The following STAU2 variants were observed in gnomAD, a reference collection of about 807,000 sequenced individuals.
STAU2 encodes the protein staufen double-stranded RNA binding protein 2.
Under a neutral mutation model 65.9 loss-of-function variants are expected in STAU2, and 20 were observed. That is an observed-to-expected ratio of 0.30 (90% CI 0.21 to 0.44). STAU2 has a LOEUF of 0.44. STAU2 is among the 20% of genes least tolerant of loss of function. The pLI is 1.00. For missense variants in STAU2, 558 were observed against 683.9 expected, an observed-to-expected ratio of 0.82 and a Z score of 2.05; for synonymous variants, 232 against 233.9, an observed-to-expected ratio of 0.99 and a Z score of 0.07.
intron 5 of STAU2, among the ~76,000 whole-genome samples, chr8:73,685,965 T>C (rs1448765382): frequency 3.3e-5 from 5 of 152,152 alleles, no homozygotes; most frequent in African/African-American, 9.7e-5. Context: ...CATAGAATAC[T>C]ACTCAGCCAT....
intron 6 of STAU2, among the ~76,000 whole-genome samples, chr8:73,621,910 C>A (rs904305469): frequency 6.6e-6 from 1 of 151,864 alleles, no homozygotes; most frequent in East Asian, 1.9e-4. Context: ...TTCAAGGAGA[C>A]CACACACAAT....
At chr8:73,487,202 T>C (rs566415063) in intron 13 of STAU2, among the ~76,000 whole-genome samples, 1 of 152,138 alleles carries the variant, frequency 6.6e-6, no homozygotes, top group South Asian at 2.1e-4. Context: ...GTGGGTCAGT[T>C]AGGAAAATGA....
At chr8:73,603,546 C>T (rs59375937) in intron 10 of STAU2, among the ~76,000 whole-genome samples, 180 bp downstream of exon 10, 4,323 of 152,304 alleles carry the variant, frequency 0.028, 175 homozygotes, top group African/African-American at 0.095. Context: ...TCTATTGTAA[C>T]ATGTCCTTGA....
At chr8:73,653,252 G>C (rs569598896) in intron 6 of STAU2, 1 of 152,310 alleles carries the variant, frequency 6.6e-6, no homozygotes, top group East Asian at 1.9e-4. Context: ...CATGAGGCTT[G>C]TAATACTTAT....
intron 13 of STAU2, among the ~76,000 whole-genome samples, chr8:73,479,709 A>ATACGTGTGTGTGTGTG (rs3032931): frequency 4.0e-5 from 2 of 49,486 alleles, no homozygotes; most frequent in East Asian, 1.1e-3. Context: ...ACACTTAAAT[A>ATACGTGTGTGTGTGTG]TACGTGTGTG....
intron 5 of STAU2, chr8:73,675,674 C>T (rs1459148059): frequency 6.6e-6 from 1 of 152,004 alleles, no homozygotes; most frequent in Admixed American, 6.6e-5. Context: ...CTCTGTGGTC[C>T]CATACTCTTC....
At chr8:73,718,049 G>T (rs938280895) in intron 3 of STAU2, among the ~76,000 whole-genome samples, 1 of 152,214 alleles carries the variant, frequency 6.6e-6, no homozygotes, top group African/African-American at 2.4e-5. Flanking sequence ...ATATGTCAAT[G>T]ACTGTTATGT....
At chr8:73,446,574 A>C (rs1188514578) in intron 13 of STAU2, among the ~76,000 whole-genome samples, 2 of 152,224 alleles carry the variant, frequency 1.3e-5, no homozygotes, top group Non-Finnish European at 2.9e-5. Flanking sequence ...TCTAAATGCA[A>C]GGTAAAACAA....
At chr8:73,520,133 T>C (rs1822964687) in intron 13 of STAU2, among the ~76,000 whole-genome samples, 1 of 152,124 alleles carries the variant, frequency 6.6e-6, no homozygotes, top group South Asian at 2.1e-4. Flanking sequence ...GCATAAAGCG[T>C]GGGTATAAGT....
intron 13 of STAU2, among the ~76,000 whole-genome samples, chr8:73,513,111 G>A (rs1467972861): frequency 6.6e-6 from 1 of 151,902 alleles, no homozygotes; most frequent in African/African-American, 2.4e-5. Context: ...TTTTAAGCCT[G>A]AATTTTAGGT....
At chr8:73,455,415 C>T (rs549762879) in intron 13 of STAU2, among the ~76,000 whole-genome samples, 4 of 152,218 alleles carry the variant, frequency 2.6e-5, no homozygotes, top group African/African-American at 9.6e-5. Context: ...GAGTCAAAGG[C>T]CATCATGTTT....
At chr8:73,729,702 T>C (rs112918899) in intron 3 of STAU2, among the ~76,000 whole-genome samples, 3 of 152,114 alleles carry the variant, frequency 2.0e-5, no homozygotes, top group Admixed American at 6.6e-5. Flanking sequence ...TTGGGAGGTT[T>C]TTTAACTAAT....
intron 9 of STAU2, 133 bp from the exon 10 acceptor site, chr8:73,603,996 A>ATCT: frequency 1.0e-6 from 1 of 991,074 alleles, no homozygotes; most frequent in Non-Finnish European, 1.4e-6. Flanking sequence ...TGAGTCATTT[A>ATCT]TGAATATTTA....
At chr8:73,742,029 A>G (rs1806921757) in intron 1 of STAU2, among the ~76,000 whole-genome samples, 1 of 152,208 alleles carries the variant, frequency 6.6e-6, no homozygotes, top group African/African-American at 2.4e-5. Flanking sequence ...TAAGCAAACC[A>G]GTTATTTTAG....
intron 10 of STAU2, 66 bp downstream of exon 10, chr8:73,603,660 C>A: frequency 1.3e-6 from 2 of 1,553,802 alleles, no homozygotes; most frequent in Non-Finnish European, 1.7e-6. Flanking sequence ...TTGCCTTTCG[C>A]CCAAATGCCT....
chr8:73,660,194 G>A (rs1816720087), intron 6 of STAU2, among the ~76,000 whole-genome samples: 1 of 152,152 alleles, frequency 6.6e-6, no homozygotes, highest in Non-Finnish European at 1.5e-5. Context: ...CACTTTGGGA[G>A]GCTGAGGTGG....
At chr8:73,512,944 TTTTC>T (rs1822496053) in intron 13 of STAU2, among the ~76,000 whole-genome samples, 5 of 152,230 alleles carry the variant, frequency 3.3e-5, no homozygotes, top group Admixed American at 1.3e-4. Flanking sequence ...TTAATCCTGG[TTTTC>T]TTTAATTCCT....
At chr8:73,694,847 T>C (rs1347544318) in intron 4 of STAU2, among the ~76,000 whole-genome samples, 1 of 152,208 alleles carries the variant, frequency 6.6e-6, no homozygotes, top group Non-Finnish European at 1.5e-5. Context: ...AGTGCTGCCC[T>C]GTCACAGCAG....
At chr8:73,575,909 A>G (rs996370858) in intron 12 of STAU2, among the ~76,000 whole-genome samples, 4 of 152,102 alleles carry the variant, frequency 2.6e-5, no homozygotes, top group East Asian at 1.9e-4. Context: ...TGCATTTTTA[A>G]TTTTTCCCCA....
Sources: gnomAD v4.1 joint callset for allele counts (sites outside exome capture counted in the v4.1 genomes callset) on GRCh38, gnomAD v4.1.1 for gene constraint, MANE v1.5 for transcripts, NCBI Gene and HGNC (gene_info 2026-07-23, HGNC 2026-07-21) for gene names.